XPO6: variants seen among roughly 807,000 people sequenced by gnomAD.
XPO6 encodes exportin 6, also known as exportin-6.
Under a neutral mutation model 130.0 loss-of-function variants are expected in XPO6, and 3 were observed. That is an observed-to-expected ratio of 0.02 (90% confidence interval 0.01 to 0.06). The LOEUF is 0.06. XPO6 is among the 10% of genes least tolerant of loss of function. The pLI, the probability that XPO6 is intolerant of heterozygous loss-of-function variation, is 1.00. For missense variants in XPO6, 970 were observed against 1,393.0 expected, an observed-to-expected ratio of 0.70 and a Z score of 4.83; for synonymous variants, 524 against 548.9, an observed-to-expected ratio of 0.95 and a Z score of 0.63.
chr16:28,167,148 T>C, intron 5 of XPO6: 2 of 985,300 alleles, frequency 2.0e-6, no homozygotes, highest in East Asian at 1.1e-4. Context: ...TCAAGTCTCC[T>C]GTTCTTGGCC....
intron 1 of XPO6, among the ~76,000 whole-genome samples, chr16:28,196,246 A>G (rs541751094): frequency 2.0e-5 from 3 of 152,280 alleles, no homozygotes; most frequent in Admixed American, 6.5e-5. Flanking sequence ...ATGGATTTCT[A>G]TTTTCAAAAT....
At chr16:28,117,060 T>C in intron 15 of XPO6, 3 of 412,746 alleles carry the variant, frequency 7.3e-6, no homozygotes, top group South Asian at 7.7e-5. Flanking sequence ...CTTTTTAGTC[T>C]GGAAATCTGA....
chr16:28,133,889 C>T lies in XPO6; in HGVS notation c.1488G>A (p.Val496=), dbSNP rs750717306. ...WQRYLRQSLE[V]VAKVMELLPT... is the part of the protein sequence containing the mutation. ...GCAGGAGCTCCATCACTTTGGCCACCACCTCCAAGCTCTGCCGTAAGTACC... is the reference window on the plus strand; with the variant it reads ...GCAGGAGCTCCATCACTTTGGCCACTACCTCCAAGCTCTGCCGTAAGTACC... The change falls in exon 11 of 24, where the codon GTG becomes GTA. Residue 496 remains valine, a synonymous_variant. Coordinates refer to ENST00000304658, the MANE Select transcript of XPO6 (RefSeq NM_015171.4). 1.2e-6 allele frequency: 2 copies of T among 1,613,932 alleles called. No homozygotes were observed. The highest frequency in any genetic ancestry group is 1.3e-5 in the African/African-American group (1 of 74,886).
intron 6 of XPO6, among the ~76,000 whole-genome samples, chr16:28,160,706 A>G (rs562383692): frequency 6.6e-6 from 1 of 152,206 alleles, no homozygotes; most frequent in Non-Finnish European, 1.5e-5. Flanking sequence ...CTAGGTCTCA[A>G]ATGTTTGGGT....
At chr16:28,171,991 C>T (rs2043456821) in intron 4 of XPO6, among the ~76,000 whole-genome samples, 1 of 152,092 alleles carries the variant, frequency 6.6e-6, no homozygotes, top group African/African-American at 2.4e-5. Flanking sequence ...ACTCGTAATG[C>T]CAAATATCCC....
rs763440756 is a variant in XPO6 at position 28,105,997 on chromosome 16, A to G, written c.2784+46T>C. 70 of 1,582,330 alleles carry G rather than the reference A, an allele frequency of 4.4e-5. No individual in the cohort carries two copies. In the Admixed American group the frequency reaches 6.9e-4, roughly 16 times the overall value. ...TCTGTGAAATCTCATTCCCTTCCCAATCTGGAGATGGGGGGTGCTGCACAG... is the reference window on the plus strand; with the variant it reads ...TCTGTGAAATCTCATTCCCTTCCCAGTCTGGAGATGGGGGGTGCTGCACAG... On this transcript the variant is annotated intron_variant, in intron 20 of 23. Transcript: ENST00000304658.
intron 8 of XPO6, among the ~76,000 whole-genome samples, chr16:28,147,560 G>A (rs574120328): frequency 3.2e-4 from 49 of 152,290 alleles, no homozygotes; most frequent in African/African-American, 1.1e-3. Context: ...ACCAAGTCCT[G>A]TCTCTACCTC....
At chr16:28,208,381 C>G (rs2044067353) in intron 1 of XPO6, among the ~76,000 whole-genome samples, 1 of 152,146 alleles carries the variant, frequency 6.6e-6, no homozygotes, top group Non-Finnish European at 1.5e-5. Context: ...GAGCTGGGAT[C>G]CCAGGGAAAA....
intron 4 of XPO6, among the ~76,000 whole-genome samples, chr16:28,175,012 G>T (rs924770991): frequency 6.6e-6 from 1 of 152,044 alleles, no homozygotes; most frequent in African/African-American, 2.4e-5. Context: ...TACAAAGAAG[G>T]AACACACAAA....
chr16:28,114,302 TC>T (rs2087001835), intron 15 of XPO6, among the ~76,000 whole-genome samples: 1 of 151,702 alleles, frequency 6.6e-6, no homozygotes. Context: ...CAGCTATATC[TC>T]CAGCTATCTA....
Position 28,156,418 on chromosome 16 carries a change from C to A in XPO6, c.753G>T (p.Glu251Asp), listed in dbSNP as rs772533717. The change falls in exon 7 of 24, where the codon GAG becomes GAT. Residue 251 changes from glutamate (E) to aspartate (D), a missense_variant. Glu to Asp is a conservative substitution (Grantham distance 45). Transcript: ENST00000304658. ...ESEYICSLALECLAHLFSWIP... is the reference protein window; with the variant it reads ...ESEYICSLALDCLAHLFSWIP... ...TCCAACTGAAGAGATGGGCCAGGCA[C>A]TCCAAAGCCAGGGAACAGATATACT... 3.7e-6 allele frequency: 6 copies of A among 1,613,982 alleles called. No individual in the cohort carries two copies. Among genetic ancestry groups the A allele is most frequent in the Non-Finnish European group, 5.1e-6 (6 of 1,179,986 alleles).
intron 20 of XPO6, among the ~76,000 whole-genome samples, chr16:28,105,212 G>C (rs1242679399): frequency 2.0e-5 from 3 of 152,212 alleles, no homozygotes; most frequent in East Asian, 1.9e-4. Flanking sequence ...TCCCCAGAAG[G>C]GGAGGGTTTA....
chr16:28,115,957 C>G (rs942251052), intron 15 of XPO6, among the ~76,000 whole-genome samples: 1 of 152,220 alleles, frequency 6.6e-6, no homozygotes. Context: ...CCTCTCTCAG[C>G]CTTCACAGAA....
intron 8 of XPO6, among the ~76,000 whole-genome samples, chr16:28,149,822 C>A (rs1386764098): frequency 6.6e-6 from 1 of 152,148 alleles, no homozygotes; most frequent in Non-Finnish European, 1.5e-5. Flanking sequence ...TTAGAAACAA[C>A]AGGCAAGAAT....
chr16:28,130,400 G>C (rs1046375538), intron 12 of XPO6, among the ~76,000 whole-genome samples: 6 of 152,240 alleles, frequency 3.9e-5, no homozygotes, highest in Non-Finnish European at 8.8e-5. Flanking sequence ...TTTCTGCTGA[G>C]GGTCATGAGG....
rs1215306704 is a variant in XPO6 at position 28,209,568 on chromosome 16, A to C, written c.3+1798T>G. On this transcript the variant is annotated intron_variant, in intron 1 of 23. Coordinates refer to ENST00000304658, the MANE Select transcript of XPO6 (RefSeq NM_015171.4). The stretch of plus-strand genomic sequence containing the variant: ...GGCAGGAGAATCACTTGAACCCGGG[A>C]GGCAGAAGTTGCCGTGAGCTGAGAC... Among the ~76,000 whole-genome samples the C allele has an allele frequency of 2.0e-5, 3 of 147,130 alleles. No individual in the cohort carries two copies. In the East Asian group the frequency reaches 6.3e-4, roughly 31 times the overall value.
At position 28,133,474 on chromosome 16, in the gene XPO6, C is replaced by A. The variant is rs146376328; in HGVS notation, c.1536+367G>T. On this transcript the variant is annotated intron_variant, in intron 11 of 23. Coordinates refer to ENST00000304658, the MANE Select transcript of XPO6 (RefSeq NM_015171.4). ...CTAAAGATTCCAGCACGTATAGACA[C>A]ACGCAGAGAAAGCTAGCAATTTGCC... Among the ~76,000 whole-genome samples, 280 of 152,312 alleles carry A rather than the reference C, an allele frequency of 1.8e-3. 1 individual carries two copies. The highest frequency in any genetic ancestry group is 6.4e-3 in the African/African-American group (264 of 41,558).
At chr16:28,172,811 T>C (rs1365456193) in intron 4 of XPO6, among the ~76,000 whole-genome samples, 3 of 152,020 alleles carry the variant, frequency 2.0e-5, no homozygotes, top group African/African-American at 4.8e-5. Context: ...TTGAGATGAT[T>C]TACTCAAAGG....
At chr16:28,136,233 T>C (rs2042772798) in intron 9 of XPO6, among the ~76,000 whole-genome samples, 1 of 152,190 alleles carries the variant, frequency 6.6e-6, no homozygotes, top group African/African-American at 2.4e-5. Flanking sequence ...TTTGTTTTTG[T>C]TTTTGGAGAC....
Sources: gnomAD v4.1 joint callset for allele counts (sites outside exome capture counted in the v4.1 genomes callset) on GRCh38, gnomAD v4.1.1 for gene constraint, MANE v1.5 for transcripts, NCBI Gene and HGNC (gene_info 2026-07-23, HGNC 2026-07-21) for gene names.